Variants in GRIA4 observed in about 807,000 individuals in gnomAD.
GRIA4 encodes glutamate ionotropic receptor AMPA type subunit 4.
Under a neutral mutation model 104.0 loss-of-function variants are expected in GRIA4, and 34 were observed. The ratio of observed to expected loss-of-function variants is 0.33; its 90% CI spans 0.25 to 0.44. GRIA4 has a LOEUF of 0.44. Among genes scored for constraint, GRIA4 ranks in the 20% least tolerant of loss-of-function variants. The pLI, the probability that GRIA4 is intolerant of heterozygous loss-of-function variation, is 1.00. For synonymous variants in GRIA4, 386 were observed against 381.9 expected (o/e 1.01, Z -0.13); for missense variants, 750 against 1,096.5 (o/e 0.68, Z 4.46).
chr11:105,641,832 A>G (rs1951370222), intron 3 of GRIA4, among the ~76,000 whole-genome samples: 1 of 152,198 alleles, frequency 6.6e-6, no homozygotes, highest in Admixed American at 6.5e-5. Flanking sequence ...CTGTCATAAC[A>G]AAGTACCACA....
intron 3 of GRIA4, among the ~76,000 whole-genome samples, chr11:105,698,462 G>A (rs1002999609): frequency 2.6e-5 from 4 of 152,100 alleles, no homozygotes; most frequent in African/African-American, 9.7e-5. Context: ...TGGGGTCAGA[G>A]GCCATTTTAT....
chr11:105,910,479 T>A lies in GRIA4; in HGVS notation c.1203T>A (p.Asp401Glu). ...TGGATAAGTTAGTCTTGATTCAAGA[T>A]GTACCAACTCTTGGCAATGACACAG... ...NDMDKLVLIQDVPTLGNDTAA... is the reference protein window; with the variant it reads ...NDMDKLVLIQEVPTLGNDTAA... The change falls in exon 10 of 17, where the codon GAT becomes GAA. Residue 401 changes from aspartate (D) to glutamate (E), a missense_variant. Coordinates refer to ENST00000282499, the MANE Select transcript of GRIA4 (RefSeq NM_000829.4). 20 of 1,601,902 alleles carry A rather than the reference T, an allele frequency of 1.2e-5. No homozygotes were observed. Among genetic ancestry groups the A allele is most frequent in the Non-Finnish European group, 1.6e-5 (19 of 1,168,964 alleles).
chr11:105,670,889 G>C (rs1000497299), intron 3 of GRIA4, among the ~76,000 whole-genome samples: 12 of 152,130 alleles, frequency 7.9e-5, no homozygotes, highest in Non-Finnish European at 1.8e-4. Flanking sequence ...CAATAGATCA[G>C]TAAGGCTACA....
chr11:105,798,562 T>C (rs936706022), intron 4 of GRIA4, among the ~76,000 whole-genome samples: 1 of 152,134 alleles, frequency 6.6e-6, no homozygotes, highest in Non-Finnish European at 1.5e-5. Context: ...TGACATATTT[T>C]AGGATCTGTC....
intron 3 of GRIA4, among the ~76,000 whole-genome samples, chr11:105,720,966 T>C (rs1937767402): frequency 6.6e-6 from 1 of 152,168 alleles, no homozygotes; most frequent in Non-Finnish European, 1.5e-5. Flanking sequence ...AGGCTGTTGG[T>C]TCCCAGAAGT....
intron 4 of GRIA4, among the ~76,000 whole-genome samples, chr11:105,780,485 C>T (rs1941678230): frequency 6.6e-6 from 1 of 152,100 alleles, no homozygotes; most frequent in Non-Finnish European, 1.5e-5. Context: ...TCACATTTCA[C>T]ATTTTACTTT....
At chr11:105,948,558 TTTTC>T (rs1405016833) in intron 14 of GRIA4, among the ~76,000 whole-genome samples, 16 of 150,200 alleles carry the variant, frequency 1.1e-4, no homozygotes, top group Admixed American at 8.6e-4. Flanking sequence ...ACAGAATAAT[TTTTC>T]TTTCTTTCTT....
intron 10 of GRIA4, among the ~76,000 whole-genome samples, chr11:105,911,133 G>A (rs1419713264): frequency 1.3e-5 from 2 of 151,666 alleles, no homozygotes; most frequent in African/African-American, 2.4e-5. Context: ...TTCTTCCACC[G>A]ATTATTTTTC....
At chr11:105,904,062 C>A in intron 8 of GRIA4, 81 bp downstream of exon 8, 1 of 961,734 alleles carries the variant, frequency 1.0e-6, no homozygotes, top group Non-Finnish European at 1.6e-6. Flanking sequence ...CTAATTTATC[C>A]AAGCACAAAT....
intron 7 of GRIA4, among the ~76,000 whole-genome samples, chr11:105,900,132 C>A (rs1369864555): frequency 6.6e-6 from 1 of 152,040 alleles, no homozygotes; most frequent in Non-Finnish European, 1.5e-5. Context: ...CTATACAGTT[C>A]CACAAATAAC....
At chr11:105,978,384 G>C (rs528472732) in intron 16 of GRIA4, among the ~76,000 whole-genome samples, 1 of 152,112 alleles carries the variant, frequency 6.6e-6, no homozygotes. Flanking sequence ...ATGATGATAA[G>C]TATTAATTTT....
chr11:105,631,717 G>C (rs1350170605), intron 3 of GRIA4, among the ~76,000 whole-genome samples: 1 of 152,006 alleles, frequency 6.6e-6, no homozygotes, highest in Non-Finnish European at 1.5e-5. Flanking sequence ...CTTGATACTG[G>C]GCCTTACAAA....
At chr11:105,725,898 A>G (rs545317609) in intron 3 of GRIA4, among the ~76,000 whole-genome samples, 1 of 152,258 alleles carries the variant, frequency 6.6e-6, no homozygotes, top group East Asian at 1.9e-4. Context: ...TTTGCAACCC[A>G]CAAACCAGGA....
At chr11:105,946,337 C>G (rs181510761) in intron 14 of GRIA4, among the ~76,000 whole-genome samples, 125 of 152,266 alleles carry the variant, frequency 8.2e-4, no homozygotes, top group Admixed American at 2.2e-3. Flanking sequence ...AATCCCAGCA[C>G]TTCGGGAGGC....
intron 4 of GRIA4, among the ~76,000 whole-genome samples, chr11:105,812,517 C>A (rs951506699): frequency 1.2e-4 from 18 of 152,084 alleles, no homozygotes; most frequent in Middle Eastern, 6.8e-3. Flanking sequence ...CTTTTATGAA[C>A]CAAATTTTTT....
At chr11:105,844,478 A>G (rs1183609319) in intron 4 of GRIA4, among the ~76,000 whole-genome samples, 1 of 152,236 alleles carries the variant, frequency 6.6e-6, no homozygotes, top group African/African-American at 2.4e-5. Flanking sequence ...ATGCCCTTGC[A>G]GGGAATAAAA....
intron 14 of GRIA4, among the ~76,000 whole-genome samples, chr11:105,970,525 A>G: frequency 6.6e-6 from 1 of 152,216 alleles, no homozygotes; most frequent in Non-Finnish European, 1.5e-5. Context: ...TAAAATGTGA[A>G]TGATGTTAGT....
intron 3 of GRIA4, among the ~76,000 whole-genome samples, chr11:105,678,033 T>C (rs1473121767): frequency 1.3e-5 from 2 of 152,060 alleles, no homozygotes; most frequent in Non-Finnish European, 2.9e-5. Context: ...ACATAGTTCC[T>C]TGCATGAAGT....
At chr11:105,658,327 T>C (rs896060193) in intron 3 of GRIA4, among the ~76,000 whole-genome samples, 2 of 151,852 alleles carry the variant, frequency 1.3e-5, no homozygotes, top group African/African-American at 4.8e-5. Flanking sequence ...CCTGAACAGC[T>C]TTCTTCTTTT....
Sources: gnomAD v4.1 joint callset for allele counts (sites outside exome capture counted in the v4.1 genomes callset) on GRCh38, gnomAD v4.1.1 for gene constraint, MANE v1.5 for transcripts, NCBI Gene and HGNC (gene_info 2026-07-23, HGNC 2026-07-21) for gene names.